ANK3: variants seen among roughly 807,000 people sequenced by gnomAD.
The protein encoded by ANK3 is ankyrin-3.
A neutral mutation model predicts 370.9 loss-of-function variants in ANK3; 57 were observed. That is an observed-to-expected ratio of 0.15 (90% CI 0.12 to 0.19). The LOEUF (loss-of-function observed/expected upper bound fraction) is 0.19, where lower values mean the gene tolerates loss of function less well. Ranked by LOEUF, ANK3 falls within the 10% of genes least tolerant of loss-of-function variation. The pLI, the probability that ANK3 is intolerant of heterozygous loss-of-function variation, is 1.00. For missense variants in ANK3, 4,439 were observed against 5,302.1 expected (o/e 0.84, Z 5.06); for synonymous variants, 1,929 against 1,946.3 (o/e 0.99, Z 0.23).
At chr10:60,049,972 G>A (rs930232373) in intron 42 of ANK3, among the ~76,000 whole-genome samples, 20 of 152,132 alleles carry the variant, frequency 1.3e-4, no homozygotes, top group African/African-American at 4.3e-4. Context: ...GGAATGTGGT[G>A]GATTTAGATG....
intron 4 of ANK3, among the ~76,000 whole-genome samples, chr10:60,275,312 T>C (rs536503367): frequency 3.9e-5 from 6 of 152,314 alleles, no homozygotes; most frequent in African/African-American, 1.4e-4. Context: ...ATTATAAGCA[T>C]GCAAATCTGC....
chr10:60,620,365 G>A (rs1268811839), intron 1 of ANK3, among the ~76,000 whole-genome samples: 1 of 152,106 alleles, frequency 6.6e-6, no homozygotes, highest in Non-Finnish European at 1.5e-5. Context: ...CCTTGTATCT[G>A]TCAGGTACTG....
intron 11 of ANK3, among the ~76,000 whole-genome samples, chr10:60,204,259 A>G (rs2096727593): frequency 6.6e-6 from 1 of 152,214 alleles, no homozygotes; most frequent in Admixed American, 6.5e-5. Context: ...TGTGCAAGGC[A>G]AAATCTTGGT....
intron 2 of ANK3, among the ~76,000 whole-genome samples, chr10:60,444,792 A>ATTC (rs1234695539): frequency 1.3e-5 from 2 of 152,122 alleles, no homozygotes; most frequent in African/African-American, 4.8e-5. Flanking sequence ...AATACATGGT[A>ATTC]AGAGTTGTGG....
intron 1 of ANK3, among the ~76,000 whole-genome samples, chr10:60,326,426 C>A (rs1016749606): frequency 2.0e-5 from 3 of 152,152 alleles, no homozygotes; most frequent in African/African-American, 7.2e-5. Flanking sequence ...TCAGTGAGAG[C>A]CCGTACCTTA....
chr10:60,077,205 C>A (rs960997811), intron 36 of ANK3, among the ~76,000 whole-genome samples: 1 of 151,726 alleles, frequency 6.6e-6, no homozygotes, highest in African/African-American at 2.4e-5. Context: ...ACAAAAAAAA[C>A]AAAGAAAAGG....
At chr10:60,372,596 G>GAGAT (rs1308282074) in intron 1 of ANK3, among the ~76,000 whole-genome samples, 1 of 152,188 alleles carries the variant, frequency 6.6e-6, no homozygotes, top group Non-Finnish European at 1.5e-5. Flanking sequence ...GCTATGTTCA[G>GAGAT]AGATAGGACA....
At chr10:60,052,811 G>A (rs573320891) in intron 42 of ANK3, among the ~76,000 whole-genome samples, 1 of 150,812 alleles carries the variant, frequency 6.6e-6, no homozygotes, top group East Asian at 2.0e-4. Context: ...AACATCCGCT[G>A]GAAAAATGAA....
chr10:60,458,276 T>C (rs2064799139), intron 2 of ANK3, among the ~76,000 whole-genome samples: 1 of 152,148 alleles, frequency 6.6e-6, no homozygotes, highest in Non-Finnish European at 1.5e-5. Context: ...TAATCTCATA[T>C]TGCCATCAAA....
rs760954756 is a variant in ANK3 at position 60,213,399 on chromosome 10, G to A, written c.996+13C>T. 26 of 1,597,664 alleles carry A rather than the reference G, an allele frequency of 1.6e-5. No individual in the cohort carries two copies. Among genetic ancestry groups the A allele is most frequent in the Non-Finnish European group, 2.1e-5 (25 of 1,166,512 alleles). On this transcript the variant is annotated intron_variant, in intron 9 of 43. Coordinates refer to ENST00000280772, the MANE Select transcript of ANK3 (RefSeq NM_020987.5). ...AATACAGTCCAATGTCCAGAAACCT[G>A]AAAAGAAATTACCTTGGTTTTTGAA...
At chr10:60,727,232 T>C (rs1489270689) in intron 1 of ANK3, among the ~76,000 whole-genome samples, 2 of 152,178 alleles carry the variant, frequency 1.3e-5, no homozygotes, top group Non-Finnish European at 2.9e-5. Flanking sequence ...GTCTGGTGAA[T>C]GGACAAACTG....
At position 60,293,173 on chromosome 10, in the gene ANK3, T is replaced by C. The variant is rs72822233; in HGVS notation, c.115-13534A>G. On this transcript the variant is annotated intron_variant, in intron 1 of 43. Coordinates refer to ENST00000280772, the MANE Select transcript of ANK3 (RefSeq NM_020987.5). Reference sequence around the variant, plus strand: ...GAAATCCTTGATGCATAATCTATTCTTCCTTGTTTACCAGAGAGAGTGGCT... The same window carrying C: ...GAAATCCTTGATGCATAATCTATTCCTCCTTGTTTACCAGAGAGAGTGGCT... Among the ~76,000 whole-genome samples the C allele has an allele frequency of 5.3e-3, 802 of 152,350 alleles. 4 individuals are homozygous for C. The highest frequency in any genetic ancestry group is 0.01 in the South Asian group (49 of 4,832).
At chr10:60,029,854 T>C (rs2072868425) in intron 43 of ANK3, 28 bp from the exon 44 acceptor site, 1 of 148,366 alleles carries the variant, frequency 6.7e-6, no homozygotes, top group Non-Finnish European at 1.5e-5. Flanking sequence ...AGATAGTGAG[T>C]TTAGCTTTCT....
intron 4 of ANK3, among the ~76,000 whole-genome samples, chr10:60,273,944 T>C (rs2098043104): frequency 6.6e-6 from 1 of 152,212 alleles, no homozygotes; most frequent in South Asian, 2.1e-4. Context: ...CTTTATAAAT[T>C]ACCCAGTCTT....
At chr10:60,089,202 C>T (rs2087517900) in intron 28 of ANK3, among the ~76,000 whole-genome samples, 1 of 152,180 alleles carries the variant, frequency 6.6e-6, no homozygotes, top group Admixed American at 6.5e-5. Flanking sequence ...GATACATCTT[C>T]TTCCCTGCTG....
At chr10:60,662,039 G>A (rs2078941867) in intron 1 of ANK3, among the ~76,000 whole-genome samples, 1 of 152,066 alleles carries the variant, frequency 6.6e-6, no homozygotes, top group African/African-American at 2.4e-5. Context: ...TCAATTTGAT[G>A]AGATTTTTAA....
intron 25 of ANK3, among the ~76,000 whole-genome samples, chr10:60,118,706 G>C (rs2093279534): frequency 1.3e-5 from 2 of 152,008 alleles, no homozygotes; most frequent in Non-Finnish European, 1.5e-5. Flanking sequence ...TCCTACACTG[G>C]GGAGCCTAAG....
intron 1 of ANK3, among the ~76,000 whole-genome samples, chr10:60,718,832 C>T (rs1439407012): frequency 1.3e-5 from 2 of 152,154 alleles, no homozygotes; most frequent in Non-Finnish European, 2.9e-5. Flanking sequence ...AAATGTACAA[C>T]AAATGATAGT....
intron 1 of ANK3, among the ~76,000 whole-genome samples, chr10:60,358,066 C>T (rs2058038978): frequency 6.6e-6 from 1 of 151,544 alleles, no homozygotes; most frequent in South Asian, 2.1e-4. Flanking sequence ...GATGCTTTTC[C>T]TATCCTTCTC....
Sources: gnomAD v4.1 joint callset for allele counts (sites outside exome capture counted in the v4.1 genomes callset) on GRCh38, gnomAD v4.1.1 for gene constraint, MANE v1.5 for transcripts, NCBI Gene and HGNC (gene_info 2026-07-23, HGNC 2026-07-21) for gene names.